SMAD2: variants seen among roughly 807,000 people sequenced by gnomAD.
SMAD2 encodes SMAD family member 2.
Under a neutral mutation model 64.4 loss-of-function variants are expected in SMAD2, and 8 were observed. That is an observed-to-expected ratio of 0.12 (90% CI 0.07 to 0.22). The LOEUF (loss-of-function observed/expected upper bound fraction) is 0.22. Ranked by LOEUF, SMAD2 falls within the 10% of genes least tolerant of loss-of-function variation. The pLI, the probability that SMAD2 is intolerant of heterozygous loss-of-function variation, is 1.00. For synonymous variants in SMAD2, 203 were observed against 195.8 expected (o/e 1.04, Z -0.31); for missense variants, 289 against 561.2 (o/e 0.51, Z 4.90).
chr18:47,828,935 T>TAAAAAAAA lies in SMAD2; in HGVS notation c.*12884_*12891dup, dbSNP rs747216495. ...ACACCCAAGAATGATCAATAAATAC[T>TAAAAAAAA]AAAAAAAAAAAAAAAAAAAAAAAAA... On this transcript the variant is annotated 3_prime_UTR_variant, in exon 11 of 11. Coordinates refer to ENST00000262160, the MANE Select transcript of SMAD2 (RefSeq NM_005901.6). 1.8e-4 allele frequency: 6 copies of TAAAAAAAA among 32,484 alleles called. 1 individual carries two copies. The highest frequency in any genetic ancestry group is 2.6e-4 in the African/African-American group (2 of 7,776). The allele number at this position is 32,484 out of a possible 1,614,324, so 2.0% of individuals were successfully genotyped here.
chr18:47,900,537 T>C (rs2033642540), intron 1 of SMAD2, among the ~76,000 whole-genome samples: 1 of 152,178 alleles, frequency 6.6e-6, no homozygotes. Flanking sequence ...AAGTGGTCAA[T>C]TACATTAATC....
chr18:47,856,142 T>G (rs201101087), intron 6 of SMAD2, among the ~76,000 whole-genome samples: 14 of 29,918 alleles, frequency 4.7e-4, no homozygotes, highest in East Asian at 0.013. Flanking sequence ...ATATGTGGGG[T>G]TTTTTTTTTT....
intron 6 of SMAD2, among the ~76,000 whole-genome samples, chr18:47,859,014 C>T (rs1429334850): frequency 6.6e-6 from 1 of 151,902 alleles, no homozygotes; most frequent in Non-Finnish European, 1.5e-5. Context: ...AAGAAACACA[C>T]CATAAATATA....
chr18:47,855,962 C>T (rs2030639637), intron 6 of SMAD2, among the ~76,000 whole-genome samples: 1 of 151,958 alleles, frequency 6.6e-6, no homozygotes, highest in Non-Finnish European at 1.5e-5. Context: ...AGAAGACAAC[C>T]CAAGTGTCCC....
chr18:47,905,017 G>T (rs186471496), intron 1 of SMAD2, among the ~76,000 whole-genome samples: 124 of 152,182 alleles, frequency 8.1e-4, no homozygotes, highest in Middle Eastern at 3.4e-3. Context: ...TTGTAGACAG[G>T]ACAACTATGC....
intron 2 of SMAD2, among the ~76,000 whole-genome samples, chr18:47,877,828 T>C (rs9965552): frequency 0.015 from 2,241 of 152,124 alleles, 54 homozygotes; most frequent in African/African-American, 0.052. Context: ...TGAATAAAAA[T>C]TGAAAATATA....
At chr18:47,874,911 G>A (rs1263113703) in intron 2 of SMAD2, among the ~76,000 whole-genome samples, 1 of 146,530 alleles carries the variant, frequency 6.8e-6, no homozygotes, top group Non-Finnish European at 1.5e-5. Context: ...TAAAACAGAA[G>A]AAAATATTGC....
rs993863942 is a variant in SMAD2 at position 47,809,470 on chromosome 18, C to T, written c.*32357G>A. On this transcript the variant is annotated 3_prime_UTR_variant, in exon 11 of 11. Transcript: ENST00000262160. ...AGACTAGCCAGTGTAGATGTGTGCA[C>T]TTATGCAGAGTGGCCTACCTGCCCC... 1.3e-5 allele frequency: 2 copies of T among 151,892 alleles called. No homozygotes were observed. The highest frequency in any genetic ancestry group is 2.9e-5 in the Non-Finnish European group (2 of 68,132). 9.4% of individuals were successfully genotyped at this position (151,892 alleles called of 1,614,324 possible). A position where few individuals can be genotyped will look rare whatever the true frequency, so the allele number is the denominator to read the frequency against.
At chr18:47,848,815 T>C (rs972088999) in intron 7 of SMAD2, 128 bp from the exon 8 acceptor site, 6 of 688,390 alleles carry the variant, frequency 8.7e-6, no homozygotes, top group African/African-American at 1.8e-5. Context: ...GCTCAGGAAG[T>C]AGACATAGTA....
chr18:47,841,534 T>C lies in SMAD2; in HGVS notation c.*293A>G. 2.1e-6 allele frequency: 1 copy of C among 475,512 alleles called. No homozygotes were observed. The highest frequency in any genetic ancestry group is 3.9e-6 in the Non-Finnish European group (1 of 257,434). 29.5% of individuals were successfully genotyped at this position (475,512 alleles called of 1,614,324 possible). A position where few individuals can be genotyped will look rare whatever the true frequency, so the allele number is the denominator to read the frequency against. ...ATACATTACCTGTACACATAACTAC[T>C]ACTGTTATTAATAAACCTTTGGGAC... On this transcript the variant is annotated 3_prime_UTR_variant, in exon 11 of 11. Transcript: ENST00000262160.
intron 2 of SMAD2, among the ~76,000 whole-genome samples, chr18:47,873,943 G>C (rs1291641098): frequency 1.3e-5 from 2 of 152,070 alleles, no homozygotes; most frequent in Non-Finnish European, 2.9e-5. Context: ...TTTGAAAAAA[G>C]AAGGAAGATA....
rs1402789168 is a variant in SMAD2 at position 47,808,986 on chromosome 18, A to T, written c.*32841T>A. ...TTTCCACCTTTATTCTTTATTACCA[A>T]CACCAAACAGCACCTCAGGTGGTAG... On this transcript the variant is annotated 3_prime_UTR_variant, in exon 11 of 11. Coordinates refer to ENST00000262160, the MANE Select transcript of SMAD2 (RefSeq NM_005901.6). 6.6e-6 allele frequency: 1 copy of T among 152,222 alleles called. No individual in the cohort carries two copies. The highest frequency in any genetic ancestry group is 1.5e-5 in the Non-Finnish European group (1 of 68,044). The allele number at this position is 152,222 out of a possible 1,614,324, so 9.4% of individuals were successfully genotyped here. A position where few individuals can be genotyped will look rare whatever the true frequency, so the allele number is the denominator to read the frequency against.
At chr18:47,850,572 T>TTA (rs1568041910) in intron 7 of SMAD2, among the ~76,000 whole-genome samples, 1 of 39,930 alleles carries the variant, frequency 2.5e-5, no homozygotes, top group African/African-American at 1.4e-4. Flanking sequence ...ATAATATATA[T>TTA]TATATATTAT....
chr18:47,841,627 G>A lies in SMAD2; in HGVS notation c.*200C>T, dbSNP rs997684192. The A allele has an allele frequency of 1.6e-5, 10 of 612,602 alleles. No individual in the cohort carries two copies. Among genetic ancestry groups the A allele is most frequent in the South Asian group, 9.5e-5 (5 of 52,518 alleles). The allele number at this position is 612,602 out of a possible 1,614,324, so 37.9% of individuals were successfully genotyped here. On this transcript the variant is annotated 3_prime_UTR_variant, in exon 11 of 11. Transcript: ENST00000262160. The stretch of plus-strand genomic sequence containing the variant: ...TCTTCTCTTCCTCTTTAATGGGAGA[G>A]TATTTCTAGACACTAATTTTCCCAT...
At chr18:47,895,834 T>C (rs574775015) in intron 2 of SMAD2, 2 of 152,906 alleles carry the variant, frequency 1.3e-5, no homozygotes, top group African/African-American at 4.8e-5. Flanking sequence ...AACTATCATT[T>C]TAGAGAATTC....
chr18:47,845,117 AC>A, intron 10 of SMAD2: 1 of 622,972 alleles, frequency 1.6e-6, no homozygotes, highest in Non-Finnish European at 2.8e-6. Context: ...ACTCTGAATT[AC>A]GTTAAAATGC....
chr18:47,887,861 A>C (rs1331651670), intron 2 of SMAD2, among the ~76,000 whole-genome samples: 2 of 152,204 alleles, frequency 1.3e-5, no homozygotes, highest in East Asian at 3.9e-4. Flanking sequence ...AAAAGGGAGA[A>C]ATACCTTAAC....
intron 6 of SMAD2, chr18:47,853,361 A>G (rs1315348329): frequency 4.7e-6 from 1 of 211,912 alleles, no homozygotes; most frequent in African/African-American, 3.9e-5. Flanking sequence ...ACGTCTTGTG[A>G]TGTAATTATT....
Position 47,817,890 on chromosome 18 carries a change from T to C in SMAD2, c.*23937A>G, listed in dbSNP as rs1291665885. ...AAAACACTGGTCCAAACACCTGACT[T>C]ATCTGTCAGGATTTACAGAATTTTC... is the stretch of plus-strand genomic sequence containing the variant. On this transcript the variant is annotated 3_prime_UTR_variant, in exon 11 of 11. Transcript: ENST00000262160. 1 of 152,216 alleles carries C rather than the reference T, an allele frequency of 6.6e-6. No individual in the cohort carries two copies. Among genetic ancestry groups the C allele is most frequent in the African/African-American group, 2.4e-5 (1 of 41,458 alleles). 9.4% of individuals were successfully genotyped at this position (152,216 alleles called of 1,614,324 possible).
Sources: allele counts gnomAD v4.1 joint callset (sites outside exome capture counted in the v4.1 genomes callset), GRCh38; gene constraint gnomAD v4.1.1; transcripts MANE v1.5; gene names NCBI Gene and HGNC (gene_info 2026-07-23, HGNC 2026-07-21).